The following KIAA1328 variants were observed in gnomAD, a reference collection of about 807,000 sequenced individuals.
KIAA1328 encodes the protein KIAA1328.
KIAA1328 carries 52 observed loss-of-function variants against 68.1 expected under a neutral mutation model. That is an observed-to-expected ratio of 0.76 (90% confidence interval 0.61 to 0.96). The LOEUF is 0.96. KIAA1328 is among the 40% of genes least tolerant of loss of function. The probability of loss-of-function intolerance (pLI) is 0.00; values close to 1 mark genes in which losing one functional copy is unlikely to be tolerated. For missense variants in KIAA1328, 641 were observed against 677.6 expected, an observed-to-expected ratio of 0.95 and a Z score of 0.60; for synonymous variants, 232 against 239.4, an observed-to-expected ratio of 0.97 and a Z score of 0.28.
intron 4 of KIAA1328, among the ~76,000 whole-genome samples, chr18:36,872,628 C>T (rs1057027282): frequency 8.5e-5 from 13 of 152,056 alleles, no homozygotes; most frequent in African/African-American, 3.1e-4. Flanking sequence ...TGCCCATTAC[C>T]AAGAATAGAA....
At chr18:37,119,670 A>G (rs1182933282) in intron 7 of KIAA1328, among the ~76,000 whole-genome samples, 1 of 152,178 alleles carries the variant, frequency 6.6e-6, no homozygotes, top group South Asian at 2.1e-4. Flanking sequence ...GGCCTTCAAT[A>G]TATGAATGAG....
chr18:36,998,113 G>T (rs2053460059), intron 6 of KIAA1328, among the ~76,000 whole-genome samples: 1 of 152,140 alleles, frequency 6.6e-6, no homozygotes, highest in Non-Finnish European at 1.5e-5. Context: ...GAGAGCCTGA[G>T]TATAAGCCCA....
Position 36,839,550 on chromosome 18 carries a change from T to C in KIAA1328, c.237+4174T>C, listed in dbSNP as rs2046790976. Among the ~76,000 whole-genome samples the C allele has an allele frequency of 3.3e-5, 5 of 152,232 alleles. No individual in the cohort carries two copies. The South Asian group carries it at 1.0e-3, about 31-fold the overall frequency. On this transcript the variant is annotated intron_variant, in intron 3 of 9. Transcript: ENST00000280020. ...CATCCAAGTCATTTGTGGATAGGTT[T>C]CAATTGAGCAATTTTTCTCCTAATT...
chr18:37,105,863 G>A lies in KIAA1328; in HGVS notation c.1232+38318G>A, dbSNP rs1329119096. Among the ~76,000 whole-genome samples the A allele has an allele frequency of 1.6e-4, 19 of 121,286 alleles. No individual in the cohort carries two copies. The South Asian group carries it at 5.5e-3, about 35-fold the overall frequency. 79.6% of individuals were successfully genotyped at this position (121,286 alleles called of 152,430 possible). On this transcript the variant is annotated intron_variant, in intron 7 of 9. Transcript: ENST00000280020. Reference sequence around the variant, plus strand: ...ACCCAGGAGACAGAGGTTGCAGTGAGAAGAGATTGCTCCACTGCGCTCCAG... The same window carrying A: ...ACCCAGGAGACAGAGGTTGCAGTGAAAAGAGATTGCTCCACTGCGCTCCAG...
At chr18:36,919,189 A>C (rs1351832204) in intron 5 of KIAA1328, among the ~76,000 whole-genome samples, 1 of 152,150 alleles carries the variant, frequency 6.6e-6, no homozygotes, top group African/African-American at 2.4e-5. Flanking sequence ...ATACTTGTTA[A>C]TACTTCTCAT....
chr18:37,209,755 G>GAA (rs569074264), intron 9 of KIAA1328, among the ~76,000 whole-genome samples: 2 of 139,254 alleles, frequency 1.4e-5, no homozygotes, highest in African/African-American at 2.6e-5. Flanking sequence ...GGGATTCAGA[G>GAA]AAAAAAAAAA....
chr18:37,135,016 A>G lies in KIAA1328; in HGVS notation c.1233-25184A>G, dbSNP rs561863641. Among the ~76,000 whole-genome samples, 3 of 152,316 alleles carry G rather than the reference A, an allele frequency of 2.0e-5. No homozygotes were observed. In the East Asian group the frequency reaches 5.8e-4, roughly 29 times the overall value. On this transcript the variant is annotated intron_variant, in intron 7 of 9. Transcript: ENST00000280020. The stretch of plus-strand genomic sequence containing the variant: ...GGCCTCCAGTGGCATCCATGTTGCT[A>G]AAAAGGACATCATTCCATTCTTTTT...
chr18:37,175,251 A>T (rs1267543992), intron 9 of KIAA1328, among the ~76,000 whole-genome samples: 1 of 152,120 alleles, frequency 6.6e-6, no homozygotes, highest in Non-Finnish European at 1.5e-5. Context: ...ATTGTTTTTG[A>T]TGGTTGCATT....
At chr18:36,887,466 T>A (rs1389946012) in intron 5 of KIAA1328, among the ~76,000 whole-genome samples, 10 of 152,152 alleles carry the variant, frequency 6.6e-5, no homozygotes, top group Non-Finnish European at 4.4e-5. Flanking sequence ...CAGGTTTTTT[T>A]AATGGTTGCT....
chr18:36,909,495 G>T (rs922283422), intron 5 of KIAA1328, among the ~76,000 whole-genome samples: 8 of 152,078 alleles, frequency 5.3e-5, no homozygotes, highest in African/African-American at 1.9e-4. Flanking sequence ...AGTATTCCAT[G>T]GGTGTGTATG....
At chr18:36,841,257 G>T (rs1199804540) in intron 3 of KIAA1328, among the ~76,000 whole-genome samples, 3 of 151,832 alleles carry the variant, frequency 2.0e-5, no homozygotes, top group African/African-American at 4.8e-5. Context: ...TGGCCATATT[G>T]CTTTATTTTT....
At chr18:37,076,658 A>G (rs1379468268) in intron 7 of KIAA1328, among the ~76,000 whole-genome samples, 2 of 151,916 alleles carry the variant, frequency 1.3e-5, no homozygotes, top group Non-Finnish European at 2.9e-5. Flanking sequence ...GGATATCACC[A>G]CCAATCCCAC....
chr18:36,907,685 G>A (rs1369635721), intron 5 of KIAA1328, among the ~76,000 whole-genome samples: 4 of 152,050 alleles, frequency 2.6e-5, no homozygotes, highest in Non-Finnish European at 5.9e-5. Flanking sequence ...AAGAATTTTT[G>A]CTTAATGAGA....
At chr18:36,923,490 TAAAAA>T (rs745605279) in intron 5 of KIAA1328, among the ~76,000 whole-genome samples, 1 of 151,974 alleles carries the variant, frequency 6.6e-6, no homozygotes, top group Admixed American at 6.6e-5. Context: ...CTATAGATCT[TAAAAA>T]AAGGGGATTA....
At chr18:37,028,300 G>T (rs1455426457) in intron 6 of KIAA1328, among the ~76,000 whole-genome samples, 1 of 152,020 alleles carries the variant, frequency 6.6e-6, no homozygotes, top group Non-Finnish European at 1.5e-5. Flanking sequence ...TATGGTTTTT[G>T]TGATTGGATT....
chr18:37,093,593 G>A (rs1404699466), intron 7 of KIAA1328, among the ~76,000 whole-genome samples: 4 of 152,142 alleles, frequency 2.6e-5, no homozygotes, highest in Non-Finnish European at 5.9e-5. Flanking sequence ...GAATAACCCA[G>A]TCAGACAAAA....
chr18:36,983,204 GAC>G (rs1345859802), intron 6 of KIAA1328, among the ~76,000 whole-genome samples: 2 of 151,878 alleles, frequency 1.3e-5, no homozygotes, highest in East Asian at 1.9e-4. Context: ...GAAAAAGCAA[GAC>G]ACAAATATAA....
intron 7 of KIAA1328, among the ~76,000 whole-genome samples, chr18:37,127,251 T>C (rs2058415206): frequency 6.6e-6 from 1 of 152,332 alleles, no homozygotes; most frequent in South Asian, 2.1e-4. Context: ...TATACAAAAA[T>C]GAATTTTATC....
intron 6 of KIAA1328, among the ~76,000 whole-genome samples, chr18:36,981,835 G>A (rs1201277338): frequency 2.7e-5 from 4 of 150,074 alleles, no homozygotes; most frequent in Admixed American, 2.0e-4. Flanking sequence ...GGTCTCAAGT[G>A]ATCCACCTCA....
Sources: gnomAD v4.1 joint callset for allele counts (sites outside exome capture counted in the v4.1 genomes callset) on GRCh38, gnomAD v4.1.1 for gene constraint, MANE v1.5 for transcripts, NCBI Gene and HGNC (gene_info 2026-07-23, HGNC 2026-07-21) for gene names.